PARP8: variants seen among roughly 807,000 people sequenced by gnomAD.
PARP8 encodes protein mono-ADP-ribosyltransferase PARP8.
PARP8 carries 51 observed loss-of-function variants against 124.1 expected under a neutral mutation model. The ratio of observed to expected loss-of-function variants is 0.41; its 90% CI spans 0.33 to 0.52. PARP8 has a LOEUF of 0.52. Ranked by LOEUF, PARP8 falls within the 20% of genes least tolerant of loss-of-function variation. PARP8 has a pLI of 0.21. For missense variants in PARP8, 860 were observed against 1,018.9 expected (o/e 0.84, Z 2.12); for synonymous variants, 391 against 361.5 (o/e 1.08, Z -0.93).
At chr5:50,739,200 G>A (rs569922375) in intron 2 of PARP8, 3 of 632,720 alleles carry the variant, frequency 4.7e-6, no homozygotes, top group East Asian at 2.7e-5. Context: ...ATTGCAGGGG[G>A]ATCTGTTATC....
intron 2 of PARP8, among the ~76,000 whole-genome samples, chr5:50,703,932 C>T (rs1170729174): frequency 6.6e-6 from 1 of 151,704 alleles, no homozygotes; most frequent in Non-Finnish European, 1.5e-5. Flanking sequence ...CATGAATTTT[C>T]CATATTTAAA....
At chr5:50,770,491 C>T (rs1184418599) in intron 7 of PARP8, among the ~76,000 whole-genome samples, 1 of 149,468 alleles carries the variant, frequency 6.7e-6, no homozygotes, top group African/African-American at 2.5e-5. Flanking sequence ...GATCTGTGAA[C>T]TACAAATGGT....
intron 19 of PARP8, among the ~76,000 whole-genome samples, chr5:50,827,208 C>A (rs531830503): frequency 6.6e-6 from 1 of 152,056 alleles, no homozygotes; most frequent in Non-Finnish European, 1.5e-5. Flanking sequence ...GCCTAGTAAG[C>A]TTAAAAAATA....
intron 2 of PARP8, among the ~76,000 whole-genome samples, chr5:50,700,703 T>G (rs909815086): frequency 1.1e-4 from 16 of 152,202 alleles, no homozygotes; most frequent in African/African-American, 3.9e-4. Flanking sequence ...GACTATTGCT[T>G]ATATTTAATA....
chr5:50,845,735 G>A lies in PARP8; in HGVS notation c.*3667G>A, dbSNP rs1748562688. 1 of 151,692 alleles carries A rather than the reference G, an allele frequency of 6.6e-6. No homozygotes were observed. Among genetic ancestry groups the A allele is most frequent in the Non-Finnish European group, 1.5e-5 (1 of 67,770 alleles). The allele number at this position is 151,692 out of a possible 1,614,324, so 9.4% of individuals were successfully genotyped here. On this transcript the variant is annotated 3_prime_UTR_variant, in exon 26 of 26. Coordinates refer to ENST00000281631, the MANE Select transcript of PARP8 (RefSeq NM_024615.4). ...TTTGAAATTAATTAGTCTATTTTGA[G>A]ATTGATTTTCTACGTGGGCCAATTT...
At chr5:50,778,757 T>A in intron 9 of PARP8, 107 bp downstream of exon 9, 1 of 550,682 alleles carries the variant, frequency 1.8e-6, no homozygotes, top group Non-Finnish European at 3.0e-6. Context: ...GTGCTAAATA[T>A]CTTGATAATG....
At chr5:50,816,468 A>G (rs1561423305) in intron 15 of PARP8, among the ~76,000 whole-genome samples, 1 of 152,216 alleles carries the variant, frequency 6.6e-6, no homozygotes, top group African/African-American at 2.4e-5. Flanking sequence ...TGAAGGCACA[A>G]CAGTTTAATA....
At chr5:50,802,855 T>C (rs1349194401) in intron 14 of PARP8, among the ~76,000 whole-genome samples, 2 of 152,146 alleles carry the variant, frequency 1.3e-5, no homozygotes, top group Non-Finnish European at 1.5e-5. Flanking sequence ...TAAAAATATA[T>C]ATATTTGTGT....
chr5:50,744,944 T>C (rs282561), intron 2 of PARP8: 490,476 of 549,630 alleles, frequency 0.89, 219,314 homozygotes, highest in East Asian at 0.95. Flanking sequence ...TTAAGCTTTG[T>C]TCTTTCCACG....
At chr5:50,752,406 T>G (rs1399351556) in intron 3 of PARP8, among the ~76,000 whole-genome samples, 1 of 152,012 alleles carries the variant, frequency 6.6e-6, no homozygotes, top group Non-Finnish European at 1.5e-5. Flanking sequence ...TCTGCCATGA[T>G]TATTATCTCT....
intron 9 of PARP8, among the ~76,000 whole-genome samples, chr5:50,782,831 T>C (rs1389373249): frequency 6.6e-6 from 1 of 152,104 alleles, no homozygotes; most frequent in East Asian, 1.9e-4. Flanking sequence ...AAGGCATTAG[T>C]TAATCCAGTG....
chr5:50,778,237 T>C (rs1580310584), intron 8 of PARP8, 108 bp downstream of exon 8: 1 of 824,040 alleles, frequency 1.2e-6, no homozygotes, highest in East Asian at 2.7e-5. Flanking sequence ...ATTAGTTACA[T>C]ATTGACTGTT....
chr5:50,814,417 CT>C (rs760480189), intron 14 of PARP8, among the ~76,000 whole-genome samples: 2 of 152,088 alleles, frequency 1.3e-5, no homozygotes, highest in Non-Finnish European at 2.9e-5. Context: ...GGATGAAGAA[CT>C]TTCTCTACTT....
Position 50,764,007 on chromosome 5 carries a change from C to A in PARP8, c.518+765C>A, listed in dbSNP as rs80057367. The stretch of plus-strand genomic sequence containing the variant: ...CTTCACGTTGGGCATTTGCATAAGC[C>A]GTTCTTTGATCAAGGAATGCGGCTC... On this transcript the variant is annotated intron_variant, in intron 7 of 25. Transcript: ENST00000281631. 7.5e-3 allele frequency among the ~76,000 whole-genome samples: 1,141 copies of A among 152,220 alleles called. 14 individuals carry two copies. The highest frequency in any genetic ancestry group is 0.026 in the African/African-American group (1,071 of 41,522).
Position 50,794,926 on chromosome 5 carries a change from A to G in PARP8, c.937A>G (p.Lys313Glu). The change falls in exon 12 of 26, where the codon AAA becomes GAA. Residue 313 changes from lysine (K) to glutamate (E), a missense_variant. Lys to Glu is a moderately conservative substitution (Grantham distance 56, BLOSUM62 1). Coordinates refer to ENST00000281631, the MANE Select transcript of PARP8 (RefSeq NM_024615.4). ...KLKSEQDGIS[K>E]THKLLRRTCS... ...GAAATCTGAGCAGGACGGAATCTCC[A>G]AAACGCATAAGCTGCTGCGGAGGAC... is the stretch of plus-strand genomic sequence containing the variant. 1 of 1,614,246 alleles carries G rather than the reference A, an allele frequency of 6.2e-7. No individual in the cohort carries two copies. Among genetic ancestry groups the G allele is most frequent in the Non-Finnish European group, 8.5e-7 (1 of 1,180,042 alleles).
At chr5:50,804,519 C>G (rs1438627372) in intron 14 of PARP8, among the ~76,000 whole-genome samples, 1 of 152,052 alleles carries the variant, frequency 6.6e-6, no homozygotes, top group Non-Finnish European at 1.5e-5. Context: ...TGAAATCTGT[C>G]GCTTATATTA....
intron 22 of PARP8, among the ~76,000 whole-genome samples, chr5:50,830,199 A>G (rs1025500862): frequency 6.6e-6 from 1 of 152,140 alleles, no homozygotes; most frequent in African/African-American, 2.4e-5. Context: ...TATTCCTTAC[A>G]TTTATTCCTT....
intron 2 of PARP8, among the ~76,000 whole-genome samples, chr5:50,727,777 G>T (rs960006463): frequency 1.3e-5 from 2 of 151,954 alleles, no homozygotes; most frequent in Non-Finnish European, 2.9e-5. Flanking sequence ...TCCCATCATC[G>T]CATCCTGCAG....
intron 10 of PARP8, among the ~76,000 whole-genome samples, chr5:50,791,432 C>T (rs1741943150): frequency 6.6e-6 from 1 of 152,132 alleles, no homozygotes; most frequent in Non-Finnish European, 1.5e-5. Flanking sequence ...CAAATCAGTA[C>T]TTACAACGCA....
Sources: allele counts gnomAD v4.1 joint callset (sites outside exome capture counted in the v4.1 genomes callset), GRCh38; gene constraint gnomAD v4.1.1; transcripts MANE v1.5; gene names NCBI Gene and HGNC (gene_info 2026-07-23, HGNC 2026-07-21).